The following RASA2 variants were observed in gnomAD, a reference collection of about 807,000 sequenced individuals.
The protein encoded by RASA2 is RAS p21 protein activator 2.
Under a neutral mutation model 118.2 loss-of-function variants are expected in RASA2, and 155 were observed. The ratio of observed to expected loss-of-function variants is 1.31; its 90% CI spans 1.15 to 1.50. The LOEUF (loss-of-function observed/expected upper bound fraction) is 1.50. Ranked by LOEUF, RASA2 falls within the 40% of genes most tolerant of loss-of-function variation. The pLI, the probability that RASA2 is intolerant of heterozygous loss-of-function variation, is 0.00. For missense variants in RASA2, 1,016 were observed against 1,009.6 expected (o/e 1.01, Z -0.09); for synonymous variants, 353 against 349.1 (o/e 1.01, Z -0.12).
intron 1 of RASA2, among the ~76,000 whole-genome samples, chr3:141,487,586 C>T (rs899481475): frequency 6.6e-5 from 10 of 151,864 alleles, no homozygotes; most frequent in Admixed American, 5.9e-4. Flanking sequence ...CGGCCGCCCT[C>T]AGACTCAGGC....
chr3:141,596,713 T>A (rs1459738087), intron 19 of RASA2, among the ~76,000 whole-genome samples: 2 of 152,206 alleles, frequency 1.3e-5, no homozygotes, highest in Admixed American at 1.3e-4. Context: ...AACATCATTA[T>A]TAGGGAAATG....
At chr3:141,506,363 T>C (rs1036597937) in intron 1 of RASA2, among the ~76,000 whole-genome samples, 4 of 152,244 alleles carry the variant, frequency 2.6e-5, no homozygotes, top group Admixed American at 6.5e-5. Context: ...TGCTTTTGCA[T>C]ATTGCAGGAC....
At chr3:141,562,158 T>C (rs545845145) in intron 9 of RASA2, among the ~76,000 whole-genome samples, 1 of 151,678 alleles carries the variant, frequency 6.6e-6, no homozygotes, top group Non-Finnish European at 1.5e-5. Flanking sequence ...TTAACTATGT[T>C]GGCCAGGCTG....
At chr3:141,600,252 A>T (rs763077994) in intron 19 of RASA2, 2 of 516,844 alleles carry the variant, frequency 3.9e-6, no homozygotes, top group Non-Finnish European at 7.9e-6. Context: ...AAGAAGGAGG[A>T]CACCCTGTAT....
intron 1 of RASA2, among the ~76,000 whole-genome samples, chr3:141,493,009 A>G (rs976168540): frequency 3.9e-5 from 6 of 152,202 alleles, no homozygotes; most frequent in Non-Finnish European, 8.8e-5. Flanking sequence ...GCTGGAAGGT[A>G]GAGAACATGA....
At chr3:141,599,867 T>G (rs56187309) in intron 19 of RASA2, among the ~76,000 whole-genome samples, 2 of 152,192 alleles carry the variant, frequency 1.3e-5, no homozygotes, top group African/African-American at 4.8e-5. Flanking sequence ...AGGGAGGGAA[T>G]GTAGAAATTA....
intron 5 of RASA2, among the ~76,000 whole-genome samples, chr3:141,545,020 A>G (rs1179726507): frequency 2.0e-5 from 3 of 152,212 alleles, no homozygotes; most frequent in African/African-American, 7.2e-5. Flanking sequence ...GGAGAGGATC[A>G]GGAACAATAA....
intron 17 of RASA2, among the ~76,000 whole-genome samples, chr3:141,583,699 C>T (rs1468531437): frequency 6.6e-6 from 1 of 152,162 alleles, no homozygotes; most frequent in Non-Finnish European, 1.5e-5. Flanking sequence ...CATTTCAAAA[C>T]TCCTTAAGTC....
At chr3:141,606,902 A>G (rs1280794216) in intron 19 of RASA2, among the ~76,000 whole-genome samples, 1 of 152,180 alleles carries the variant, frequency 6.6e-6, no homozygotes, top group Non-Finnish European at 1.5e-5. Context: ...TCTAAGAACA[A>G]TATTACAAAA....
chr3:141,601,149 C>T (rs895806167), intron 19 of RASA2, among the ~76,000 whole-genome samples: 3 of 152,114 alleles, frequency 2.0e-5, no homozygotes, highest in Non-Finnish European at 2.9e-5. Flanking sequence ...ATGATGGGGC[C>T]GGGCACAGTG....
At chr3:141,548,135 C>T (rs1291488164) in intron 5 of RASA2, among the ~76,000 whole-genome samples, 3 of 152,052 alleles carry the variant, frequency 2.0e-5, no homozygotes, top group African/African-American at 7.2e-5. Flanking sequence ...GGATATTGGC[C>T]TATAGTTTTC....
Position 141,496,699 on chromosome 3 carries a change from A to G in RASA2, c.133+9483A>G, listed in dbSNP as rs548335954. 2.1e-4 allele frequency among the ~76,000 whole-genome samples: 32 copies of G among 152,290 alleles called. No homozygotes were observed. The East Asian group carries it at 6.2e-3, about 29-fold the overall frequency. ...GGAGAGGATGTGGAGAAATAGGAAC[A>G]CTTTTACACTGTTGGTGGGACTGTA... On this transcript the variant is annotated intron_variant, in intron 1 of 23. Coordinates refer to ENST00000286364, the MANE Select transcript of RASA2 (RefSeq NM_006506.5).
Position 141,555,867 on chromosome 3 carries a change from G to C in RASA2, c.639G>C (p.Lys213Asn). The C allele has an allele frequency of 6.2e-7, 1 of 1,612,522 alleles. No homozygotes were observed. Among genetic ancestry groups the C allele is most frequent in the Non-Finnish European group, 8.5e-7 (1 of 1,179,340 alleles). The change falls in exon 7 of 24, where the codon AAG becomes AAC. Residue 213 changes from lysine (K) to asparagine (N), a missense_variant. Transcript: ENST00000286364. ...ATGACCAAAAGAAGACAAAAGTAAAGAAGAAAACAAGCAATCCGCAGTTTA... is the reference window on the plus strand; with the variant it reads ...ATGACCAAAAGAAGACAAAAGTAAACAAGAAAACAAGCAATCCGCAGTTTA... Reference protein sequence around the residue: ...SRNDQKKTKVKKKTSNPQFNE... With the variant: ...SRNDQKKTKVNKKTSNPQFNE...
intron 1 of RASA2, among the ~76,000 whole-genome samples, chr3:141,509,041 C>T (rs535396534): frequency 6.6e-6 from 1 of 152,176 alleles, no homozygotes; most frequent in Non-Finnish European, 1.5e-5. Flanking sequence ...GTAACCATTA[C>T]TTCCTTTTTG....
At chr3:141,547,826 T>C (rs1265915160) in intron 5 of RASA2, among the ~76,000 whole-genome samples, 2 of 152,220 alleles carry the variant, frequency 1.3e-5, no homozygotes, top group African/African-American at 2.4e-5. Context: ...GGATATGTAC[T>C]ATATGGCTTT....
At chr3:141,523,619 ACCT>A in intron 3 of RASA2, among the ~76,000 whole-genome samples, 1 of 152,318 alleles carries the variant, frequency 6.6e-6, no homozygotes, top group African/African-American at 2.4e-5. Context: ...TAAATGTTTT[ACCT>A]CCTATTATGT....
chr3:141,510,794 A>G (rs926349426), intron 1 of RASA2, among the ~76,000 whole-genome samples: 3 of 152,216 alleles, frequency 2.0e-5, no homozygotes, highest in Non-Finnish European at 4.4e-5. Flanking sequence ...GGTTGGGGGA[A>G]TGGAAGGAGA....
At chr3:141,579,740 C>T (rs544602644) in intron 15 of RASA2, among the ~76,000 whole-genome samples, 1 of 152,082 alleles carries the variant, frequency 6.6e-6, no homozygotes, top group African/African-American at 2.4e-5. Context: ...TACAAAACAA[C>T]TTATATATAA....
chr3:141,546,685 TA>T (rs2082491253), intron 5 of RASA2, among the ~76,000 whole-genome samples: 1 of 152,214 alleles, frequency 6.6e-6, no homozygotes, highest in Non-Finnish European at 1.5e-5. Flanking sequence ...AGAAGCTTTT[TA>T]ACTTGGTGTG....
Sources: allele counts gnomAD v4.1 joint callset (sites outside exome capture counted in the v4.1 genomes callset), GRCh38; gene constraint gnomAD v4.1.1; transcripts MANE v1.5; gene names NCBI Gene and HGNC (gene_info 2026-07-23, HGNC 2026-07-21).